Variants in DLGAP2 observed in about 807,000 individuals in gnomAD.
The protein encoded by DLGAP2 is DLG associated protein 2, also known as disks large-associated protein 2.
In DLGAP2, 26 loss-of-function variants were observed where a neutral mutation model predicts 100.3. The ratio of observed to expected loss-of-function variants is 0.26; its 90% CI spans 0.19 to 0.36. The LOEUF (loss-of-function observed/expected upper bound fraction) is 0.36. Ranked by LOEUF, DLGAP2 falls within the 10% of genes least tolerant of loss-of-function variation. DLGAP2 has a pLI of 1.00. For missense variants in DLGAP2, 1,858 were observed against 1,453.2 expected, an observed-to-expected ratio of 1.28 and a Z score of -4.53; for synonymous variants, 886 against 630.1, an observed-to-expected ratio of 1.41 and a Z score of -6.08.
intron 3 of DLGAP2, among the ~76,000 whole-genome samples, chr8:1,462,466 A>G (rs1798486704): frequency 2.3e-5 from 2 of 87,220 alleles, no homozygotes; most frequent in African/African-American, 4.2e-5. Flanking sequence ...GAGGAGGGAG[A>G]AGGGTGGCAT....
At chr8:854,833 T>C (rs574098111) in intron 1 of DLGAP2, among the ~76,000 whole-genome samples, 2 of 152,318 alleles carry the variant, frequency 1.3e-5, no homozygotes, top group South Asian at 2.1e-4. Flanking sequence ...TGAGATGCGA[T>C]GAAGCTCTGG....
In DLGAP2 at chr8:1,422,075, C is replaced by G. The variant is rs556122683; in HGVS notation, c.107-79291C>G. Among the ~76,000 whole-genome samples the G allele has an allele frequency of 9.5e-4, 145 of 152,266 alleles. 1 individual carries two copies. The highest frequency in any genetic ancestry group is 3.3e-3 in the African/African-American group (139 of 41,564). ...CACACGCTAGGCACCGAGGGCGAGG[C>G]TGCGTTTGTTACTCCATGGAATCTC... On this transcript the variant is annotated intron_variant, in intron 3 of 14. Coordinates refer to ENST00000637795, the MANE Select transcript of DLGAP2 (RefSeq NM_001346810.2).
chr8:1,584,737 A>G (rs778938602), intron 6 of DLGAP2, among the ~76,000 whole-genome samples: 7 of 152,148 alleles, frequency 4.6e-5, no homozygotes, highest in African/African-American at 1.4e-4. Context: ...CCATCAGGGA[A>G]GCAGCTCACC....
At chr8:1,408,436 TCTC>T (rs10553224) in intron 3 of DLGAP2, among the ~76,000 whole-genome samples, 39,217 of 151,978 alleles carry the variant, frequency 0.26, 5,149 homozygotes, top group Middle Eastern at 0.35. Context: ...CCTTGCGTAA[TCTC>T]CACGAGCATC....
At chr8:1,200,075 G>C (rs1731263931) in intron 2 of DLGAP2, among the ~76,000 whole-genome samples, 1 of 152,172 alleles carries the variant, frequency 6.6e-6, no homozygotes, top group Non-Finnish European at 1.5e-5. Context: ...CTCCGTACAG[G>C]GAAGCTGGGA....
rs7014433 is a variant in DLGAP2 at position 1,530,595 on chromosome 8, A to C, written c.173-18031A>C. Among the ~76,000 whole-genome samples, 56 of 152,150 alleles carry C rather than the reference A, an allele frequency of 3.7e-4. 1 individual carries two copies. In the East Asian group the frequency reaches 4.6e-3, roughly 13 times the overall value. ...GCATAGGAAATCACAAGGGTACTGA[A>C]TGGGGAAGTGATAAGTGTCCATGAA... On this transcript the variant is annotated intron_variant, in intron 4 of 14. Transcript: ENST00000637795.
At chr8:1,159,841 GC>G (rs1243854774) in intron 2 of DLGAP2, among the ~76,000 whole-genome samples, 1 of 152,200 alleles carries the variant, frequency 6.6e-6, no homozygotes, top group East Asian at 1.9e-4. Flanking sequence ...GTTGAACACA[GC>G]CCCCGCAGGG....
chr8:807,894 A>T (rs1433223957), intron 1 of DLGAP2, among the ~76,000 whole-genome samples: 1 of 152,198 alleles, frequency 6.6e-6, no homozygotes, highest in East Asian at 1.9e-4. Context: ...CAGCCGGAGG[A>T]ACATAAAGGG....
chr8:1,676,794 G>A (rs890253849), intron 11 of DLGAP2, among the ~76,000 whole-genome samples, 176 bp downstream of exon 11: 3 of 152,208 alleles, frequency 2.0e-5, no homozygotes, highest in African/African-American at 7.2e-5. Context: ...ACCCGCCTAT[G>A]TCTTGTTTTT....
At chr8:1,041,776 G>A (rs1435274188) in intron 2 of DLGAP2, among the ~76,000 whole-genome samples, 4 of 139,016 alleles carry the variant, frequency 2.9e-5, no homozygotes, top group African/African-American at 1.1e-4. Flanking sequence ...GTGGGTCTGC[G>A]GGAAATGTGT....
chr8:1,500,783 T>G (rs1799694390), intron 3 of DLGAP2, among the ~76,000 whole-genome samples: 1 of 152,210 alleles, frequency 6.6e-6, no homozygotes, highest in Non-Finnish European at 1.5e-5. Context: ...CAATGGAAAA[T>G]CAATGCCAGT....
intron 1 of DLGAP2, among the ~76,000 whole-genome samples, chr8:743,622 G>A (rs1050078037): frequency 5.3e-5 from 8 of 152,156 alleles, no homozygotes; most frequent in Non-Finnish European, 1.0e-4. Context: ...TGGAGTGAGT[G>A]GCATAATCTC....
chr8:1,282,697 A>G (rs1239365058), intron 3 of DLGAP2, among the ~76,000 whole-genome samples: 3,664 of 113,544 alleles, frequency 0.032, 285 homozygotes, highest in African/African-American at 0.09. Context: ...TGAACCATCC[A>G]GACGTGGTGT....
chr8:1,464,352 C>A (rs1584929784), intron 3 of DLGAP2, among the ~76,000 whole-genome samples: 1 of 143,810 alleles, frequency 7.0e-6, no homozygotes, highest in African/African-American at 2.6e-5. Context: ...CAGGACGGCA[C>A]CCTTCCAGGA....
chr8:1,214,550 G>A (rs28690773), intron 2 of DLGAP2, among the ~76,000 whole-genome samples: 22,184 of 152,216 alleles, frequency 0.15, 1,721 homozygotes, highest in East Asian at 0.24. Context: ...GATCCCAGGA[G>A]TGGAGTAACC....
At position 1,708,315 on chromosome 8, in the gene DLGAP2, T is replaced by C. The variant is rs1799759660; in HGVS notation, c.*6909T>C. ...CCAAAGAGTTTTATCCGAAAAAAAA[T>C]TACACTCTTCCTCCATTATATATTT... On this transcript the variant is annotated 3_prime_UTR_variant, in exon 15 of 15. Transcript: ENST00000637795. 1 of 152,140 alleles carries C rather than the reference T, an allele frequency of 6.6e-6. No homozygotes were observed. The highest frequency in any genetic ancestry group is 1.5e-5 in the Non-Finnish European group (1 of 68,016). 9.4% of individuals were successfully genotyped at this position (152,140 alleles called of 1,614,324 possible). A position where few individuals can be genotyped will look rare whatever the true frequency, so the allele number is the denominator to read the frequency against.
intron 3 of DLGAP2, among the ~76,000 whole-genome samples, chr8:1,387,952 C>T (rs920311425): frequency 1.3e-5 from 2 of 152,186 alleles, no homozygotes; most frequent in African/African-American, 2.4e-5. Flanking sequence ...GGTGGGTTAG[C>T]GATCAAGGCG....
intron 3 of DLGAP2, among the ~76,000 whole-genome samples, chr8:1,359,874 C>T (rs575855809): frequency 1.5e-4 from 23 of 152,200 alleles, no homozygotes; most frequent in Admixed American, 2.6e-4. Context: ...GTTTTTCTGT[C>T]CATAAATTTG....
intron 3 of DLGAP2, among the ~76,000 whole-genome samples, chr8:1,372,409 T>G (rs888587133): frequency 6.6e-6 from 1 of 152,198 alleles, no homozygotes; most frequent in African/African-American, 2.4e-5. Flanking sequence ...CGTCTTGCCC[T>G]CACTCCTCCC....
Sources: gnomAD v4.1 joint callset for allele counts (sites outside exome capture counted in the v4.1 genomes callset) on GRCh38, gnomAD v4.1.1 for gene constraint, MANE v1.5 for transcripts, NCBI Gene and HGNC (gene_info 2026-07-23, HGNC 2026-07-21) for gene names.